Variants in MMP26 observed in about 807,000 individuals in gnomAD.
MMP26 encodes matrix metallopeptidase 26.
Under a neutral mutation model 31.0 loss-of-function variants are expected in MMP26, and 33 were observed. That is an observed-to-expected ratio of 1.06 (90% CI 0.81 to 1.42). The LOEUF (loss-of-function observed/expected upper bound fraction) is 1.42. Ranked by LOEUF, MMP26 falls within the 40% of genes most tolerant of loss-of-function variation. The probability of loss-of-function intolerance (pLI) is 0.00; values close to 1 mark genes in which losing one functional copy is unlikely to be tolerated. For synonymous variants in MMP26, 122 were observed against 114.9 expected (o/e 1.06, Z -0.40); for missense variants, 347 against 316.1 (o/e 1.10, Z -0.74).
At chr11:4,766,693 TTCCCTCCCTCCC>T (rs751952136) in intron 1 of MMP26, among the ~76,000 whole-genome samples, 3 of 49,336 alleles carry the variant, frequency 6.1e-5, no homozygotes, top group African/African-American at 7.8e-5. Flanking sequence ...CCACTTTCCT[TTCCCTCCCTCCC>T]TCCCTCCCTC....
chr11:4,789,799 T>G (rs1813013305), intron 2 of MMP26, among the ~76,000 whole-genome samples: 1 of 151,634 alleles, frequency 6.6e-6, no homozygotes, highest in Admixed American at 6.6e-5. Flanking sequence ...CCCAGCCTCC[T>G]AAAGTGCTGG....
chr11:4,804,725 G>T (rs888740600), intron 2 of MMP26: 7 of 382,796 alleles, frequency 1.8e-5, no homozygotes, highest in Admixed American at 1.1e-4. Flanking sequence ...CAGGCAGATT[G>T]CTTGAGGTCA....
At chr11:4,967,408 C>G (rs901784709) in intron 2 of MMP26, among the ~76,000 whole-genome samples, 5 of 152,160 alleles carry the variant, frequency 3.3e-5, no homozygotes, top group African/African-American at 1.2e-4. Flanking sequence ...TCATAAGAAT[C>G]TCAAATTTGA....
chr11:4,749,749 A>C (rs73393030), intron 1 of MMP26, among the ~76,000 whole-genome samples: 9,259 of 152,020 alleles, frequency 0.061, 659 homozygotes, highest in African/African-American at 0.18. Context: ...GAATCTGGAC[A>C]CCTATCTCTC....
intron 2 of MMP26, among the ~76,000 whole-genome samples, chr11:4,852,611 G>T (rs1319648767): frequency 6.6e-6 from 1 of 152,106 alleles, no homozygotes; most frequent in East Asian, 1.9e-4. Flanking sequence ...CCTTTACATT[G>T]TTGGTAGGAG....
At chr11:4,941,309 T>C (rs1477868651) in intron 2 of MMP26, among the ~76,000 whole-genome samples, 1 of 152,236 alleles carries the variant, frequency 6.6e-6, no homozygotes, top group Non-Finnish European at 1.5e-5. Flanking sequence ...GTGTAAATCA[T>C]ATCCAATTTA....
At chr11:4,776,686 C>T (rs1049866965) in intron 2 of MMP26, among the ~76,000 whole-genome samples, 4 of 152,140 alleles carry the variant, frequency 2.6e-5, no homozygotes, top group Non-Finnish European at 4.4e-5. Context: ...AGTGAATTCT[C>T]ATGATATCTG....
rs1477997102 is a variant in MMP26, at chr11:4,769,772, A to C, written c.-145+2431A>C. 8 of 1,613,876 alleles carry C rather than the reference A, an allele frequency of 5.0e-6. 1 individual carries two copies. The highest frequency in any genetic ancestry group is 3.3e-4 in the Middle Eastern group (2 of 6,084). On this transcript the variant is annotated intron_variant, in intron 2 of 7. Coordinates refer to ENST00000380390, the MANE Select transcript of MMP26 (RefSeq NM_021801.5). ...GAGACTCTGCTGGGTAATGATGACA[A>C]ACAGGATCACGCTGTTCCCAGAGAG...
intron 2 of MMP26, among the ~76,000 whole-genome samples, chr11:4,961,357 C>T (rs953444440): frequency 8.5e-5 from 13 of 152,136 alleles, no homozygotes; most frequent in African/African-American, 1.9e-4. Flanking sequence ...CTGGCTGATT[C>T]GATGGTGCCC....
chr11:4,990,710 G>A lies in MMP26; in HGVS notation c.433G>A (p.Gly145Arg). The change falls in exon 5 of 8, where the codon GGA (glycine) becomes AGA (arginine). Residue 145 changes from glycine (G) to arginine (R), a missense_variant. Gly to Arg is a moderately radical substitution (Grantham distance 125). Coordinates refer to ENST00000380390, the MANE Select transcript of MMP26 (RefSeq NM_021801.5). ...TTTGATATTCCAGCAAGTGCAGAATGGAGATGCAGACATCAAGGTTTCTTT... is the reference window on the plus strand; with the variant it reads ...TTTGATATTCCAGCAAGTGCAGAATAGAGATGCAGACATCAAGGTTTCTTT... ...TPLIFQQVQN[G>R]DADIKVSFWQ... 6.2e-7 allele frequency: 1 copy of A among 1,614,122 alleles called. No homozygotes were observed. The highest frequency in any genetic ancestry group is 8.5e-7 in the Non-Finnish European group (1 of 1,179,988).
intron 1 of MMP26, among the ~76,000 whole-genome samples, chr11:4,706,156 G>A (rs112927584): frequency 7.2e-5 from 11 of 152,232 alleles, no homozygotes; most frequent in Non-Finnish European, 1.2e-4. Flanking sequence ...GCACGTAGAA[G>A]GCATTAAATA....
intron 1 of MMP26, among the ~76,000 whole-genome samples, chr11:4,761,052 G>A (rs1428928796): frequency 6.6e-6 from 1 of 152,186 alleles, no homozygotes; most frequent in African/African-American, 2.4e-5. Flanking sequence ...AGTGGAGGGT[G>A]AGTGGAGTTA....
chr11:4,900,461 T>C (rs1850783789), intron 2 of MMP26, among the ~76,000 whole-genome samples: 1 of 152,184 alleles, frequency 6.6e-6, no homozygotes, highest in South Asian at 2.1e-4. Context: ...TAATATTTAG[T>C]AGAAAGAGAA....
chr11:4,918,608 G>A (rs564791912), intron 2 of MMP26, among the ~76,000 whole-genome samples: 7 of 152,066 alleles, frequency 4.6e-5, no homozygotes, highest in Non-Finnish European at 8.8e-5. Context: ...TAAAATCCTC[G>A]CAGAACCCAT....
At chr11:4,712,061 T>C (rs908072964) in intron 1 of MMP26, 2 of 152,194 alleles carry the variant, frequency 1.3e-5, no homozygotes, top group African/African-American at 4.8e-5. Context: ...ACTTTGGGAA[T>C]TGATGTATCT....
chr11:4,955,453 G>A, intron 2 of MMP26: 1 of 1,194,054 alleles, frequency 8.4e-7, no homozygotes, highest in South Asian at 1.3e-5. Flanking sequence ...CATTGAACAG[G>A]AAGATGCTTA....
chr11:4,940,594 T>C (rs1049382658), intron 2 of MMP26, among the ~76,000 whole-genome samples: 2 of 152,180 alleles, frequency 1.3e-5, no homozygotes, highest in Non-Finnish European at 2.9e-5. Context: ...GTAGGCACTG[T>C]TTTATGAAGC....
At chr11:4,766,922 C>G (rs899395123) in intron 1 of MMP26, among the ~76,000 whole-genome samples, 1 of 152,056 alleles carries the variant, frequency 6.6e-6, no homozygotes, top group African/African-American at 2.4e-5. Context: ...TATTTTACCA[C>G]ATCTATCTTT....
intron 2 of MMP26, among the ~76,000 whole-genome samples, chr11:4,861,763 A>G (rs1290232341): frequency 1.3e-5 from 2 of 152,150 alleles, no homozygotes; most frequent in South Asian, 4.1e-4. Context: ...TTCTGTACCC[A>G]TGAGTGCCGC....
Sources: allele counts gnomAD v4.1 joint callset (sites outside exome capture counted in the v4.1 genomes callset), GRCh38; gene constraint gnomAD v4.1.1; transcripts MANE v1.5; gene names NCBI Gene and HGNC (gene_info 2026-07-23, HGNC 2026-07-21).